The following PSMB7 variants were observed in gnomAD, a reference collection of about 807,000 sequenced individuals.
The protein encoded by PSMB7 is proteasome 20S subunit beta 7.
PSMB7 carries 5 observed loss-of-function variants against 28.1 expected under a neutral mutation model. The observed-to-expected ratio is 0.18, with a 90% confidence interval of 0.09 to 0.37. PSMB7 has a LOEUF of 0.37. PSMB7 is among the 10% of genes least tolerant of loss of function. The pLI is 1.00. For synonymous variants in PSMB7, 122 were observed against 123.7 expected, an observed-to-expected ratio of 0.99 and a Z score of 0.09; for missense variants, 275 against 346.2, an observed-to-expected ratio of 0.79 and a Z score of 1.63.
At chr9:124,386,076 A>C (rs1410209885) in intron 5 of PSMB7, among the ~76,000 whole-genome samples, 1 of 152,080 alleles carries the variant, frequency 6.6e-6, no homozygotes, top group Non-Finnish European at 1.5e-5. Context: ...ATTACAAGCA[A>C]TGACTATTCA....
At chr9:124,355,186 G>A (rs1193570588) in intron 7 of PSMB7, among the ~76,000 whole-genome samples, 3 of 152,242 alleles carry the variant, frequency 2.0e-5, no homozygotes, top group South Asian at 2.1e-4. Context: ...CCAGGACACC[G>A]ATGGGGAGCA....
chr9:124,401,272 C>CA (rs1208595554), intron 5 of PSMB7, among the ~76,000 whole-genome samples: 3 of 152,196 alleles, frequency 2.0e-5, no homozygotes, highest in African/African-American at 7.2e-5. Context: ...AAGGACTACA[C>CA]AAACACCCAC....
chr9:124,377,377 T>C (rs1287687234), intron 6 of PSMB7, among the ~76,000 whole-genome samples: 1 of 152,218 alleles, frequency 6.6e-6, no homozygotes, highest in African/African-American at 2.4e-5. Flanking sequence ...GACCATTCTA[T>C]ATGCCAAATA....
intron 4 of PSMB7, among the ~76,000 whole-genome samples, chr9:124,410,470 CA>C (rs1405181223): frequency 6.6e-6 from 1 of 151,924 alleles, no homozygotes; most frequent in Admixed American, 6.6e-5. Flanking sequence ...AAAAAGTTTT[CA>C]AAAAAGCCTT....
chr9:124,367,274 T>C (rs934013918), intron 6 of PSMB7, among the ~76,000 whole-genome samples: 1 of 152,198 alleles, frequency 6.6e-6, no homozygotes, highest in African/African-American at 2.4e-5. Context: ...ACCACCCCTC[T>C]GAACAAACAC....
chr9:124,368,342 A>C (rs1179613919), intron 6 of PSMB7, among the ~76,000 whole-genome samples: 2 of 152,226 alleles, frequency 1.3e-5, no homozygotes, highest in Non-Finnish European at 2.9e-5. Context: ...AAAGTACTTT[A>C]CCTCTAAAAT....
At chr9:124,402,287 G>A (rs188089227) in intron 5 of PSMB7, among the ~76,000 whole-genome samples, 27 of 152,256 alleles carry the variant, frequency 1.8e-4, no homozygotes, top group Non-Finnish European at 3.5e-4. Flanking sequence ...AAAGTTGGGC[G>A]GCAGAAGTAA....
intron 6 of PSMB7, among the ~76,000 whole-genome samples, chr9:124,361,927 G>A (rs1830468696): frequency 6.6e-6 from 1 of 152,168 alleles, no homozygotes; most frequent in Non-Finnish European, 1.5e-5. Flanking sequence ...GTGATTTTTA[G>A]ATTGGGAATG....
rs1299579517 is a variant in PSMB7 at position 124,364,932 on chromosome 9, TG to T, written c.571-8018del. Among the ~76,000 whole-genome samples, 6 of 152,062 alleles carry T rather than the reference TG, an allele frequency of 3.9e-5. No homozygotes were observed. The East Asian group carries it at 1.2e-3, about 29-fold the overall frequency. ...ACCACTGCTAGATGCTGGGCACATGTGGGAAGGCTATCACAGGCACTGTGTT... is the reference window on the plus strand; with the variant it reads ...ACCACTGCTAGATGCTGGGCACATGTGGAAGGCTATCACAGGCACTGTGTT... On this transcript the variant is annotated intron_variant, in intron 6 of 7. Transcript: ENST00000259457.
chr9:124,390,062 G>C (rs1830768769), intron 5 of PSMB7, among the ~76,000 whole-genome samples: 1 of 152,204 alleles, frequency 6.6e-6, no homozygotes, highest in Non-Finnish European at 1.5e-5. Flanking sequence ...GAAGACAGTA[G>C]TTTACGAAAG....
intron 4 of PSMB7, among the ~76,000 whole-genome samples, chr9:124,411,828 C>T (rs998168110): frequency 6.6e-6 from 1 of 152,168 alleles, no homozygotes; most frequent in Non-Finnish European, 1.5e-5. Flanking sequence ...AGGATGAAAT[C>T]GTGCATAAAG....
At chr9:124,382,688 C>A (rs1301316122) in intron 6 of PSMB7, among the ~76,000 whole-genome samples, 11 of 152,202 alleles carry the variant, frequency 7.2e-5, no homozygotes, top group Non-Finnish European at 1.3e-4. Flanking sequence ...GTTATGGACA[C>A]AACTGATCTA....
intron 6 of PSMB7, among the ~76,000 whole-genome samples, chr9:124,358,449 T>C (rs1830435300): frequency 6.6e-6 from 1 of 152,330 alleles, no homozygotes; most frequent in East Asian, 1.9e-4. Context: ...TTTGTACATA[T>C]GCAGTCCTGT....
intron 6 of PSMB7, among the ~76,000 whole-genome samples, chr9:124,377,121 C>T (rs920561893): frequency 6.6e-6 from 1 of 152,090 alleles, no homozygotes; most frequent in African/African-American, 2.4e-5. Context: ...AAAATAAAAC[C>T]AGCTGCCATA....
rs140291693 is a variant in PSMB7, at chr9:124,401,783, G to A, written c.511+3534C>T. On this transcript the variant is annotated intron_variant, in intron 5 of 7. Coordinates refer to ENST00000259457, the MANE Select transcript of PSMB7 (RefSeq NM_002799.4). ...CACCTGTAATCCTAGCACTTTGGGAGGCAGAGGCCGGCAGATCACGAGGTC... is the reference window on the plus strand; with the variant it reads ...CACCTGTAATCCTAGCACTTTGGGAAGCAGAGGCCGGCAGATCACGAGGTC... 7.9e-4 allele frequency among the ~76,000 whole-genome samples: 120 copies of A among 152,286 alleles called. 2 individuals carry two copies. In the East Asian group the frequency reaches 0.022, roughly 28 times the overall value.
At chr9:124,394,231 T>A (rs1194933688) in intron 5 of PSMB7, among the ~76,000 whole-genome samples, 1 of 152,230 alleles carries the variant, frequency 6.6e-6, no homozygotes, top group Non-Finnish European at 1.5e-5. Flanking sequence ...CAGATCTGGT[T>A]AACAGCAAAT....
intron 5 of PSMB7, among the ~76,000 whole-genome samples, chr9:124,398,839 G>GT (rs1384922872): frequency 1.3e-5 from 2 of 152,132 alleles, no homozygotes; most frequent in Non-Finnish European, 2.9e-5. Context: ...GTGACACTAG[G>GT]TAAGTTGCTA....
chr9:124,357,521 G>T (rs539077432), intron 6 of PSMB7, among the ~76,000 whole-genome samples: 1 of 152,286 alleles, frequency 6.6e-6, no homozygotes, highest in Admixed American at 6.5e-5. Flanking sequence ...ACCAAGGGCG[G>T]GACCTCTTGC....
At chr9:124,368,658 G>T (rs1830531677) in intron 6 of PSMB7, among the ~76,000 whole-genome samples, 2 of 152,288 alleles carry the variant, frequency 1.3e-5, no homozygotes, top group South Asian at 2.1e-4. Flanking sequence ...GCCATTTGTT[G>T]ATTGTAAATC....
Sources: gnomAD v4.1 joint callset for allele counts (sites outside exome capture counted in the v4.1 genomes callset) on GRCh38, gnomAD v4.1.1 for gene constraint, MANE v1.5 for transcripts, NCBI Gene and HGNC (gene_info 2026-07-23, HGNC 2026-07-21) for gene names.